The following PCDHGA6 variants were observed in gnomAD, a reference collection of about 807,000 sequenced individuals.
PCDHGA6 encodes protocadherin gamma subfamily A, 6.
In PCDHGA6, 41 loss-of-function variants were observed where a neutral mutation model predicts 60.6. The observed-to-expected ratio is 0.68, with a 90% CI of 0.53 to 0.88. PCDHGA6 has a LOEUF of 0.88. Among genes scored for constraint, PCDHGA6 ranks in the 40% least tolerant of loss-of-function variants. PCDHGA6 has a pLI of 0.00. For synonymous variants in PCDHGA6, 594 were observed against 524.4 expected (o/e 1.13, Z -1.81); for missense variants, 1,312 against 1,203.0 (o/e 1.09, Z -1.34).
intron 1 of PCDHGA6, among the ~76,000 whole-genome samples, chr5:141,466,627 C>G (rs1448245449): frequency 6.6e-6 from 1 of 152,154 alleles, no homozygotes; most frequent in African/African-American, 2.4e-5. Flanking sequence ...TTCTTTGGAG[C>G]ATTGTCTCCA....
chr5:141,431,032 C>T lies in PCDHGA6; in HGVS notation c.2424+54525C>T. 1 of 1,614,008 alleles carries T rather than the reference C, an allele frequency of 6.2e-7. No individual in the cohort carries two copies. The highest frequency in any genetic ancestry group is 2.2e-5 in the East Asian group (1 of 44,848). On this transcript the variant is annotated intron_variant, in intron 1 of 3. Transcript: ENST00000517434. This position sits in a 1 kb window ranked among gnomAD's most constrained non-coding sequence, Gnocchi z 4.8. ...GCTTGGTCACGGCGGGCAGGATAGA[C>T]CGGGAGGAGCTCTGTATGGGGGCCA...
At chr5:141,393,617 C>A (rs746699091) in intron 1 of PCDHGA6, 4 of 1,613,770 alleles carry the variant, frequency 2.5e-6, no homozygotes, top group African/African-American at 2.7e-5. Context: ...CAGCCAGCGA[C>A]CCGGATGAGG....
intron 1 of PCDHGA6, among the ~76,000 whole-genome samples, chr5:141,439,530 C>T (rs1003383726): frequency 6.6e-6 from 1 of 152,180 alleles, no homozygotes; most frequent in Non-Finnish European, 1.5e-5. Flanking sequence ...CTCTACAGAA[C>T]GCTGTCCTCT....
chr5:141,456,748 A>C (rs1448893002), intron 1 of PCDHGA6, among the ~76,000 whole-genome samples: 1 of 151,852 alleles, frequency 6.6e-6, no homozygotes, highest in Non-Finnish European at 1.5e-5. Context: ...GAGCATCATG[A>C]GGTCAGGAGT....
At chr5:141,443,448 T>C (rs1205977008) in intron 1 of PCDHGA6, among the ~76,000 whole-genome samples, 1 of 152,210 alleles carries the variant, frequency 6.6e-6, no homozygotes, top group African/African-American at 2.4e-5. Context: ...GTTGCGCTCC[T>C]GTACTCCAGT....
In PCDHGA6 at chr5:141,374,528, T is replaced by C. The variant is rs759567011; in HGVS notation, c.445T>C (p.Ser149Pro). 1.7e-5 allele frequency: 27 copies of C among 1,612,930 alleles called. No individual in the cohort carries two copies. The highest frequency in any genetic ancestry group is 2.1e-5 in the Non-Finnish European group (25 of 1,179,132). Residue 149 changes from serine to proline, a missense_variant, in exon 1 of 4, where the codon TCC (serine) becomes CCC (proline). Ser to Pro is a moderately conservative substitution (Grantham distance 74). Coordinates refer to ENST00000517434, the MANE Select transcript of PCDHGA6 (RefSeq NM_018919.3). Reference protein sequence around the residue: ...EVKILENAAPSSRFPLMEVYD... With the variant: ...EVKILENAAPPSRFPLMEVYD... ...GAAAATTCTCGAAAACGCAGCTCCA[T>C]CCTCTCGTTTTCCACTAATGGAGGT...
intron 1 of PCDHGA6, chr5:141,427,083 C>T: frequency 2.2e-6 from 1 of 458,128 alleles, no homozygotes; most frequent in South Asian, 1.5e-5. Flanking sequence ...AGCCACTGAC[C>T]AGGATGAGGG....
rs201895231 is a variant in PCDHGA6 at position 141,392,844 on chromosome 5, G to A, written c.2424+16337G>A. On this transcript the variant is annotated intron_variant, in intron 1 of 3. Coordinates refer to ENST00000517434, the MANE Select transcript of PCDHGA6 (RefSeq NM_018919.3). ...CGCTCCACAGAGTCGCCCCAGACGC[G>A]GCGAGCTGATCCTGCTGTGCGCGCT... The A allele has an allele frequency of 1.3e-5, 21 of 1,609,468 alleles. 1 individual carries two copies. The East Asian group carries it at 1.6e-4, about 12-fold the overall frequency.
intron 1 of PCDHGA6, among the ~76,000 whole-genome samples, chr5:141,443,654 G>A (rs2098397947): frequency 6.6e-6 from 1 of 152,150 alleles, no homozygotes; most frequent in Non-Finnish European, 1.5e-5. Context: ...TGTTAGCATA[G>A]CATTTTACTG....
chr5:141,375,314 G>A lies in PCDHGA6; in HGVS notation c.1231G>A (p.Asp411Asn). The A allele has an allele frequency of 6.2e-7, 1 of 1,613,798 alleles. No homozygotes were observed. Among genetic ancestry groups the A allele is most frequent in the South Asian group, 1.1e-5 (1 of 91,082 alleles). Residue 411 changes from aspartate to asparagine, a missense_variant, in exon 1 of 4, where the codon GAC (aspartate) becomes AAC (asparagine). Transcript: ENST00000517434. ...TCGATTAGTGACAAATGCAGCTCTA[G>A]ACCGGGAAGAGGTATTCTTGTACAA... is the stretch of plus-strand genomic sequence containing the variant. Reference protein sequence around the residue: ...YYRLVTNAALDREEVFLYNIT... With the variant: ...YYRLVTNAALNREEVFLYNIT...
At position 141,493,223 on chromosome 5, in the gene PCDHGA6, A is replaced by G. The variant is rs2099747083; in HGVS notation, c.2425-1584A>G. Among the ~76,000 whole-genome samples, 1 of 152,142 alleles carries G rather than the reference A, an allele frequency of 6.6e-6. No homozygotes were observed. The highest frequency in any genetic ancestry group is 6.6e-5 in the Admixed American group (1 of 15,262). On this transcript the variant is annotated intron_variant, in intron 1 of 3. Transcript: ENST00000517434. The surrounding 1 kb of genome is among the most constrained non-coding windows in gnomAD (Gnocchi z 4.3). ...CCTCATCTCATTTGCTCTTCCCACC[A>G]TTGCTGTTGGCTAGGTACTAACATG...
chr5:141,428,310 G>A (rs2097132610), intron 1 of PCDHGA6: 1 of 671,630 alleles, frequency 1.5e-6, no homozygotes, highest in Admixed American at 2.2e-5. Context: ...ACCTGGTCGT[G>A]GCCTTGGCCT....
At position 141,493,666 on chromosome 5, in the gene PCDHGA6, C is replaced by T. The variant is rs1475584876; in HGVS notation, c.2425-1141C>T. On this transcript the variant is annotated intron_variant, in intron 1 of 3. Transcript: ENST00000517434. The surrounding 1 kb of genome is among the most constrained non-coding windows in gnomAD (Gnocchi z 4.3). ...GCCATCCCTGTGCCCTTCTCCATGG[C>T]AGCCCCAGAATGGTGCTGGTGACTC... 6.6e-6 allele frequency among the ~76,000 whole-genome samples: 1 copy of T among 152,176 alleles called. No individual in the cohort carries two copies. The highest frequency in any genetic ancestry group is 1.5e-5 in the Non-Finnish European group (1 of 68,028).
At chr5:141,480,046 A>G (rs919527311) in intron 1 of PCDHGA6, among the ~76,000 whole-genome samples, 1 of 152,206 alleles carries the variant, frequency 6.6e-6, no homozygotes, top group Non-Finnish European at 1.5e-5. Context: ...ATATGCAAAA[A>G]GGGAATAATA....
chr5:141,435,760 T>C (rs1241767830), intron 1 of PCDHGA6, among the ~76,000 whole-genome samples: 1 of 152,172 alleles, frequency 6.6e-6, no homozygotes, highest in Non-Finnish European at 1.5e-5. Context: ...TTGATTTCTT[T>C]TGGTGAATTC....
At chr5:141,382,649 T>C (rs1778342764) in intron 1 of PCDHGA6, 5 of 404,024 alleles carry the variant, frequency 1.2e-5, no homozygotes, top group Admixed American at 8.0e-5. Flanking sequence ...AGTAACTTAG[T>C]AAGGACTCAC....
chr5:141,375,973 C>A lies in PCDHGA6; in HGVS notation c.1890C>A (p.Arg630=), dbSNP rs577451422. The A allele has an allele frequency of 4.6e-4, 742 of 1,613,246 alleles. No individual in the cohort carries two copies. The highest frequency in any genetic ancestry group is 1.7e-3 in the Middle Eastern group (10 of 5,796). ...ACACGGGCGAGGTGCGCACGGCGCG[C>A]GCCCTGCTGGACAGAGACGCGCTCA... The part of the protein sequence containing the change: ...GLHTGEVRTA[R]ALLDRDALKQ... The change falls in exon 1 of 4, where the codon CGC becomes CGA. Residue 630 remains arginine (R), a synonymous_variant. Transcript: ENST00000517434.
chr5:141,489,084 C>G lies in PCDHGA6; in HGVS notation c.2425-5723C>G. ...CTCCCCCCTGCCCACCCCCGCCACT[C>G]GGTGACTAAGAACTGCTGCAAGCAG... On this transcript the variant is annotated intron_variant, in intron 1 of 3. Transcript: ENST00000517434. This position sits in a 1 kb window ranked among gnomAD's most constrained non-coding sequence, Gnocchi z 4.5. 6.1e-6 allele frequency: 2 copies of G among 329,126 alleles called. No homozygotes were observed. The highest frequency in any genetic ancestry group is 2.5e-5 in the African/African-American group (1 of 40,384). 20.4% of individuals were successfully genotyped at this position (329,126 alleles called of 1,614,324 possible). A position where few individuals can be genotyped will look rare whatever the true frequency, so the allele number is the denominator to read the frequency against.
intron 1 of PCDHGA6, chr5:141,395,735 A>T (rs1226671096): frequency 6.5e-6 from 1 of 153,508 alleles, no homozygotes; most frequent in East Asian, 1.9e-4. Context: ...TCTTCACTTT[A>T]AACCTCTTTT....
Sources: allele counts gnomAD v4.1 joint callset (sites outside exome capture counted in the v4.1 genomes callset), GRCh38; gene constraint gnomAD v4.1.1; non-coding constraint Gnocchi (gnomAD v3.1); transcripts MANE v1.5; gene names NCBI Gene and HGNC (gene_info 2026-07-23, HGNC 2026-07-21).